FGF2: variants seen among roughly 807,000 people sequenced by gnomAD.
The protein encoded by FGF2 is fibroblast growth factor 2.
In FGF2, 13 loss-of-function variants were observed where a neutral mutation model predicts 15.9. The observed-to-expected ratio is 0.82, with a 90% CI of 0.53 to 1.30. FGF2 has a LOEUF of 1.30. FGF2 is among the 50% of genes most tolerant of loss of function. The pLI is 0.00. For missense variants in FGF2, 163 were observed against 196.9 expected (o/e 0.83, Z 1.03); for synonymous variants, 90 against 78.4 (o/e 1.15, Z -0.78).
rs991418757 is a variant in FGF2, at chr4:122,827,707, A to C, written c.178+355A>C. On this transcript the variant is annotated intron_variant, in intron 1 of 2. Coordinates refer to ENST00000644866, the MANE Select transcript of FGF2 (RefSeq NM_001361665.2). This position sits in a 1 kb window ranked among gnomAD's most constrained non-coding sequence, Gnocchi z 4.2. ...CCGCCATGCAGCTCTGGCCGCTTCT[A>C]TCTGCTGCGTGCTGTCCCGGGGACA... 6.6e-6 allele frequency among the ~76,000 whole-genome samples: 1 copy of C among 152,146 alleles called. No homozygotes were observed. The highest frequency in any genetic ancestry group is 2.4e-5 in the African/African-American group (1 of 41,446).
chr4:122,845,834 T>A (rs1006419496), intron 1 of FGF2, among the ~76,000 whole-genome samples: 8 of 152,236 alleles, frequency 5.3e-5, no homozygotes, highest in Non-Finnish European at 1.5e-5. Context: ...TTTGTTTTCT[T>A]ATCATTCTTG....
intron 1 of FGF2, among the ~76,000 whole-genome samples, chr4:122,854,481 A>G (rs1327965625): frequency 6.6e-6 from 1 of 152,168 alleles, no homozygotes; most frequent in African/African-American, 2.4e-5. Flanking sequence ...ATTAACTTCT[A>G]CTTAGAGGCA....
chr4:122,837,429 T>C (rs1422910978), intron 1 of FGF2, among the ~76,000 whole-genome samples: 1 of 152,220 alleles, frequency 6.6e-6, no homozygotes, highest in African/African-American at 2.4e-5. Context: ...AACATATCAC[T>C]TGATAAACAC....
At chr4:122,865,007 T>C (rs941303930) in intron 1 of FGF2, among the ~76,000 whole-genome samples, 3 of 152,228 alleles carry the variant, frequency 2.0e-5, no homozygotes, top group Non-Finnish European at 4.4e-5. Flanking sequence ...TATCCCCAAA[T>C]AATTGGTAAC....
chr4:122,895,215 T>C lies in FGF2; in HGVS notation c.*2819T>C, dbSNP rs952095262. On this transcript the variant is annotated 3_prime_UTR_variant, in exon 3 of 3. Coordinates refer to ENST00000644866, the MANE Select transcript of FGF2 (RefSeq NM_001361665.2). ...TTAATCAAGATAGTGTGCTTTATTC[T>C]GTTGTATTTTTTATTATTTTAATAT... The C allele has an allele frequency of 6.6e-6, 1 of 152,234 alleles. No individual in the cohort carries two copies. The highest frequency in any genetic ancestry group is 6.5e-5 in the Admixed American group (1 of 15,286). The allele number at this position is 152,234 out of a possible 1,614,324, so 9.4% of individuals were successfully genotyped here. A position where few individuals can be genotyped will look rare whatever the true frequency, so the allele number is the denominator to read the frequency against.
intron 1 of FGF2, among the ~76,000 whole-genome samples, chr4:122,843,822 C>T (rs1008983193): frequency 2.0e-5 from 3 of 152,098 alleles, no homozygotes; most frequent in Admixed American, 1.3e-4. Context: ...GTATAAACTT[C>T]GTGAAAAGAT....
chr4:122,827,654 AC>A lies in FGF2; in HGVS notation c.178+304del, dbSNP rs1019307071. Among the ~76,000 whole-genome samples the A allele has an allele frequency of 1.3e-5, 2 of 151,960 alleles. No individual in the cohort carries two copies. Among genetic ancestry groups the A allele is most frequent in the Admixed American group, 6.5e-5 (1 of 15,268 alleles). ...CGGACTGGCTGTCTTCCCGCGGACAACCTGTCGCGTCGGGGATGCCCGCGGC... is the reference window on the plus strand; with the variant it reads ...CGGACTGGCTGTCTTCCCGCGGACAACTGTCGCGTCGGGGATGCCCGCGGC... On this transcript the variant is annotated intron_variant, in intron 1 of 2. Coordinates refer to ENST00000644866, the MANE Select transcript of FGF2 (RefSeq NM_001361665.2). This position sits in a 1 kb window ranked among gnomAD's most constrained non-coding sequence, Gnocchi z 4.2.
intron 2 of FGF2, among the ~76,000 whole-genome samples, chr4:122,883,886 A>G (rs1727007869): frequency 6.6e-6 from 1 of 152,226 alleles, no homozygotes; most frequent in Non-Finnish European, 1.5e-5. Context: ...CTGAGGATAT[A>G]CATGTAATTT....
chr4:122,833,187 G>A (rs1166476562), intron 1 of FGF2, among the ~76,000 whole-genome samples: 1 of 152,056 alleles, frequency 6.6e-6, no homozygotes, highest in Non-Finnish European at 1.5e-5. Context: ...GGATGTGTGT[G>A]TGTGTGTGTG....
At chr4:122,882,233 C>T (rs1305457286) in intron 2 of FGF2, 1 of 152,170 alleles carries the variant, frequency 6.6e-6, no homozygotes, top group African/African-American at 2.4e-5. Context: ...TTTTTCATCT[C>T]CTCAGGAGCA....
intron 1 of FGF2, among the ~76,000 whole-genome samples, chr4:122,870,117 T>G (rs1407523182): frequency 1.3e-5 from 2 of 152,222 alleles, no homozygotes; most frequent in African/African-American, 4.8e-5. Flanking sequence ...TTGGTTCTGT[T>G]TATGTGATGG....
chr4:122,888,123 C>T (rs72919805), intron 2 of FGF2, among the ~76,000 whole-genome samples: 6,320 of 152,208 alleles, frequency 0.042, 426 homozygotes, highest in African/African-American at 0.14. Context: ...ACTCATAGCC[C>T]TCCCCACCGC....
intron 2 of FGF2, among the ~76,000 whole-genome samples, chr4:122,885,913 C>CTTTTTTTTTTTTTTTTT (rs11310783): frequency 3.5e-5 from 3 of 84,528 alleles, no homozygotes; most frequent in Non-Finnish European, 4.3e-5. Flanking sequence ...TTTTTTTTTC[C>CTTTTTTTTTTTTTTTTT]TTTTTTTTTT....
intron 1 of FGF2, among the ~76,000 whole-genome samples, chr4:122,835,580 G>A (rs1725850677): frequency 1.3e-5 from 2 of 152,034 alleles, no homozygotes; most frequent in Non-Finnish European, 2.9e-5. Flanking sequence ...TCTGCTTGTA[G>A]TGAATTATTA....
At position 122,897,568 on chromosome 4, in the gene FGF2, AAC is replaced by A; in HGVS notation, c.*5176_*5177del. ...TTCTTAGCTATAAAGCAAGAAAGTA[AAC>A]ACATTAATTTCCTCAACATTTTTAA... On this transcript the variant is annotated 3_prime_UTR_variant, in exon 3 of 3. Coordinates refer to ENST00000644866, the MANE Select transcript of FGF2 (RefSeq NM_001361665.2). 1 of 1,221,394 alleles carries A rather than the reference AAC, an allele frequency of 8.2e-7. No homozygotes were observed. The highest frequency in any genetic ancestry group is 1.2e-6 in the Non-Finnish European group (1 of 823,774). 75.7% of individuals were successfully genotyped at this position (1,221,394 alleles called of 1,614,324 possible). A position where few individuals can be genotyped will look rare whatever the true frequency, so the allele number is the denominator to read the frequency against.
intron 1 of FGF2, among the ~76,000 whole-genome samples, chr4:122,872,623 G>A (rs891752925): frequency 6.6e-6 from 1 of 152,022 alleles, no homozygotes; most frequent in Non-Finnish European, 1.5e-5. Context: ...GGCAGCCAGA[G>A]AGAAAGGCCA....
chr4:122,887,219 C>T (rs765210391), intron 2 of FGF2, among the ~76,000 whole-genome samples: 5 of 152,142 alleles, frequency 3.3e-5, no homozygotes, highest in Non-Finnish European at 4.4e-5. Flanking sequence ...GAGGCTGAGG[C>T]AGGAGAATCA....
chr4:122,826,956 G>A lies in FGF2; in HGVS notation c.-219G>A, dbSNP rs1245576530. 6 of 1,349,074 alleles carry A rather than the reference G, an allele frequency of 4.4e-6. No individual in the cohort carries two copies. Among genetic ancestry groups the A allele is most frequent in the South Asian group, 3.7e-5 (2 of 54,286 alleles). The allele number at this position is 1,349,074 out of a possible 1,614,324, so 83.6% of individuals were successfully genotyped here. ...CGTGAACCCCAGGTCCCGGGCCGCC[G>A]GCTCGCCGCGCACCAGGGGCCGGCG... On this transcript the variant is annotated 5_prime_UTR_variant, in exon 1 of 3. Transcript: ENST00000644866.
At chr4:122,838,050 T>A (rs1725901103) in intron 1 of FGF2, among the ~76,000 whole-genome samples, 1 of 152,214 alleles carries the variant, frequency 6.6e-6, no homozygotes, top group African/African-American at 2.4e-5. Context: ...ATAATTTTGT[T>A]AACTGTTTTA....
Sources: allele counts gnomAD v4.1 joint callset (sites outside exome capture counted in the v4.1 genomes callset), GRCh38; gene constraint gnomAD v4.1.1; non-coding constraint Gnocchi (gnomAD v3.1); transcripts MANE v1.5; gene names NCBI Gene and HGNC (gene_info 2026-07-23, HGNC 2026-07-21).